The following DOCK9 variants were observed in gnomAD, a reference collection of about 807,000 sequenced individuals.
The protein encoded by DOCK9 is dedicator of cytokinesis protein 9.
In DOCK9, 89 loss-of-function variants were observed where a neutral mutation model predicts 263.3. The ratio of observed to expected loss-of-function variants is 0.34; its 90% CI spans 0.28 to 0.40. The LOEUF (loss-of-function observed/expected upper bound fraction) is 0.40. DOCK9 is among the 10% of genes least tolerant of loss of function. DOCK9 has a pLI of 1.00. For synonymous variants in DOCK9, 976 were observed against 973.1 expected, an observed-to-expected ratio of 1.00 and a Z score of -0.06; for missense variants, 2,140 against 2,603.4, an observed-to-expected ratio of 0.82 and a Z score of 3.87.
Position 98,794,546 on chromosome 13 carries a change from TC to T in DOCK9, c.*79del. On this transcript the variant is annotated 3_prime_UTR_variant, in exon 53 of 53. Transcript: ENST00000682017. ...CCCTTGGTCCTCCCTGTGCTCGGTC[TC>T]CCCAGTGATTGGCTTTGGAAAGCAT... 6.8e-7 allele frequency: 1 copy of T among 1,474,986 alleles called. No individual in the cohort carries two copies. Among genetic ancestry groups the T allele is most frequent in the South Asian group, 1.3e-5 (1 of 75,572 alleles). The allele number at this position is 1,474,986 out of a possible 1,614,324, so 91.4% of individuals were successfully genotyped here.
intron 1 of DOCK9, among the ~76,000 whole-genome samples, chr13:98,987,864 A>G (rs766241406): frequency 4.0e-5 from 6 of 151,180 alleles, no homozygotes; most frequent in Non-Finnish European, 7.4e-5. Context: ...TTTTGAGCAT[A>G]TATCTCCTTT....
intron 1 of DOCK9, among the ~76,000 whole-genome samples, chr13:99,084,299 T>C (rs986896136): frequency 2.2e-4 from 34 of 152,172 alleles, no homozygotes; most frequent in Admixed American, 2.2e-3. Flanking sequence ...TTCAGAACCA[T>C]CACAATGCAT....
At chr13:99,018,737 C>T (rs1345019845) in intron 1 of DOCK9, among the ~76,000 whole-genome samples, 1 of 152,144 alleles carries the variant, frequency 6.6e-6, no homozygotes, top group African/African-American at 2.4e-5. Context: ...TGAAAATTAC[C>T]ATGAATTTCA....
chr13:98,953,052 G>A (rs975846305), intron 2 of DOCK9, among the ~76,000 whole-genome samples: 1 of 152,128 alleles, frequency 6.6e-6, no homozygotes, highest in African/African-American at 2.4e-5. Context: ...GCACTGTTAA[G>A]ACCTTTCACT....
At chr13:98,962,533 C>G (rs578004428) in intron 1 of DOCK9, among the ~76,000 whole-genome samples, 6 of 151,694 alleles carry the variant, frequency 4.0e-5, no homozygotes, top group Non-Finnish European at 8.8e-5. Flanking sequence ...CTGGACTCAA[C>G]TGAGTCAATG....
In DOCK9 at chr13:98,863,055, C is replaced by T. The variant is rs773631206; in HGVS notation, c.3543G>A (p.Val1181=). Residue 1181 remains valine (V), a synonymous_variant, in exon 32 of 53, where the codon GTG becomes GTA. Coordinates refer to ENST00000682017, the MANE Select transcript of DOCK9 (RefSeq NM_001366683.2). The stretch of plus-strand genomic sequence containing the variant: ...TCACAGGGAAGGGTGACACATCCCT[C>T]ACATTGATCCGCTGGACGTTTTCAA... The part of the protein sequence containing the change: ...LLIENVQRIN[V]RDVSPFPVNA... 1 of 1,611,112 alleles carries T rather than the reference C, an allele frequency of 6.2e-7. No homozygotes were observed. Among genetic ancestry groups the T allele is most frequent in the African/African-American group, 1.3e-5 (1 of 74,884 alleles).
At chr13:98,848,296 G>A (rs1449154960) in intron 37 of DOCK9, among the ~76,000 whole-genome samples, 1 of 152,188 alleles carries the variant, frequency 6.6e-6, no homozygotes, top group East Asian at 1.9e-4. Flanking sequence ...AGGATGGGAA[G>A]GAGACAGAAC....
At chr13:98,986,055 C>T (rs1595830547) in intron 1 of DOCK9, among the ~76,000 whole-genome samples, 1 of 152,342 alleles carries the variant, frequency 6.6e-6, no homozygotes, top group Non-Finnish European at 1.5e-5. Flanking sequence ...AAAAAGCGCT[C>T]AAGTTTTCCT....
chr13:99,082,213 G>A (rs928491515), intron 1 of DOCK9, among the ~76,000 whole-genome samples: 3 of 145,472 alleles, frequency 2.1e-5, no homozygotes, highest in African/African-American at 7.7e-5. Context: ...GATTAAGATG[G>A]TCTCTAAAAG....
At chr13:98,904,837 G>A (rs1292409649) in intron 9 of DOCK9, 131 bp from the exon 10 acceptor site, 72 of 703,482 alleles carry the variant, frequency 1.0e-4, no homozygotes, top group South Asian at 6.2e-4. Context: ...TTGGAGAGCC[G>A]CTGTGTGTGC....
At chr13:98,869,313 T>G (rs1054491513) in intron 27 of DOCK9, among the ~76,000 whole-genome samples, 6 of 152,224 alleles carry the variant, frequency 3.9e-5, no homozygotes, top group Non-Finnish European at 7.3e-5. Context: ...ACTTTTTCAT[T>G]CAATTCTTGT....
chr13:98,839,200 C>CA (rs2093120257), intron 38 of DOCK9, among the ~76,000 whole-genome samples: 1 of 152,192 alleles, frequency 6.6e-6, no homozygotes, highest in East Asian at 1.9e-4. Context: ...AACGTCTCTC[C>CA]AAATTTAGTG....
chr13:98,911,858 T>A (rs547587371), intron 9 of DOCK9, among the ~76,000 whole-genome samples: 1 of 145,764 alleles, frequency 6.9e-6, no homozygotes, highest in South Asian at 2.2e-4. Flanking sequence ...TTCAATTCTA[T>A]TACATTAAAA....
intron 1 of DOCK9, among the ~76,000 whole-genome samples, chr13:99,066,510 T>C (rs988849630): frequency 1.3e-5 from 2 of 152,210 alleles, no homozygotes; most frequent in Non-Finnish European, 2.9e-5. Context: ...TAGCATACTA[T>C]GTTACTTAAT....
chr13:98,845,566 C>CA (rs1453662454), intron 38 of DOCK9, among the ~76,000 whole-genome samples: 1 of 152,198 alleles, frequency 6.6e-6, no homozygotes, highest in African/African-American at 2.4e-5. Flanking sequence ...CGAATGTTCT[C>CA]AGAGTTGCAG....
At chr13:99,013,215 C>T (rs750519232) in intron 1 of DOCK9, among the ~76,000 whole-genome samples, 20 of 152,148 alleles carry the variant, frequency 1.3e-4, no homozygotes, top group Non-Finnish European at 2.2e-4. Flanking sequence ...GTGACCCTCC[C>T]GCTTCAGCCT....
chr13:98,863,571 T>A (rs760400770), intron 30 of DOCK9, 23 bp from the exon 31 acceptor site: 4 of 1,580,756 alleles, frequency 2.5e-6, no homozygotes, highest in Non-Finnish European at 3.5e-6. Context: ...TAGAAACTAC[T>A]TGAGTTAGGA....
rs781752669 is a variant in DOCK9, at chr13:98,885,076, A to G, written c.2277T>C (p.Leu759=). Residue 759 remains leucine (L), a synonymous_variant, in exon 21 of 53, where the codon CTT becomes CTC. Transcript: ENST00000682017. ...CCACCCTTCCGTCTTTCAGGAGGGG[A>G]AGCCAGGAGTAGCCAACTGTTGAAA... ...VVETQVGYSW[L]PLLKDGRVVT... 6.2e-7 allele frequency: 1 copy of G among 1,613,546 alleles called. No individual in the cohort carries two copies. The highest frequency in any genetic ancestry group is 8.5e-7 in the Non-Finnish European group (1 of 1,179,806).
intron 29 of DOCK9, 147 bp downstream of exon 29, chr13:98,867,781 T>A (rs764195228): frequency 1.2e-5 from 9 of 771,710 alleles, no homozygotes; most frequent in Non-Finnish European, 1.9e-5. Flanking sequence ...AATGAAGGAC[T>A]TCAGGTAGCT....
Sources: gnomAD v4.1 joint callset for allele counts (sites outside exome capture counted in the v4.1 genomes callset) on GRCh38, gnomAD v4.1.1 for gene constraint, MANE v1.5 for transcripts, NCBI Gene and HGNC (gene_info 2026-07-23, HGNC 2026-07-21) for gene names.